The following WDR33 variants were observed in gnomAD, a reference collection of about 807,000 sequenced individuals.
The protein encoded by WDR33 is pre-mRNA 3' end processing protein WDR33.
In WDR33, 47 loss-of-function variants were observed where a neutral mutation model predicts 164.9. The ratio of observed to expected loss-of-function variants is 0.29; its 90% CI spans 0.23 to 0.36. WDR33 has a LOEUF of 0.36. WDR33 is among the 10% of genes least tolerant of loss of function. The pLI, the probability that WDR33 is intolerant of heterozygous loss-of-function variation, is 1.00. For synonymous variants in WDR33, 505 were observed against 589.0 expected (o/e 0.86, Z 2.06); for missense variants, 1,137 against 1,754.1 (o/e 0.65, Z 6.28).
At position 127,735,433 on chromosome 2, in the gene WDR33, C is replaced by A. The variant is rs1686814625; in HGVS notation, c.725-8656G>T. The A allele has an allele frequency of 1.2e-5, 12 of 985,402 alleles. No individual in the cohort carries two copies. The South Asian group carries it at 5.2e-4, about 42-fold the overall frequency. The allele number at this position is 985,402 out of a possible 1,614,324, so 61.0% of individuals were successfully genotyped here. On this transcript the variant is annotated intron_variant, in intron 7 of 21. Coordinates refer to ENST00000322313, the MANE Select transcript of WDR33 (RefSeq NM_018383.5). This position sits in a 1 kb window ranked among gnomAD's most constrained non-coding sequence, Gnocchi z 4.3. Reference sequence around the variant, plus strand: ...GAAGGTCAGAAATGGTGTCCATGTTCCCATTTTATTTTTCCTGGATCAGAC... The same window carrying A: ...GAAGGTCAGAAATGGTGTCCATGTTACCATTTTATTTTTCCTGGATCAGAC...
chr2:127,709,404 G>A lies in WDR33; in HGVS notation c.3565+86C>T. 7.6e-7 allele frequency: 1 copy of A among 1,319,066 alleles called. No homozygotes were observed. The highest frequency in any genetic ancestry group is 1.1e-6 in the Non-Finnish European group (1 of 921,056). The allele number at this position is 1,319,066 out of a possible 1,614,324, so 81.7% of individuals were successfully genotyped here. On this transcript the variant is annotated intron_variant, in intron 20 of 21. Transcript: ENST00000322313. The surrounding 1 kb of genome is among the most constrained non-coding windows in gnomAD (Gnocchi z 5.0). ...CGGGAGACATGAGCTGGAAAGAGGA[G>A]ACCCGGTGCACCCCAGAGAGGGCCC...
At chr2:127,755,468 T>C (rs768097265) in intron 7 of WDR33, among the ~76,000 whole-genome samples, 2 of 152,204 alleles carry the variant, frequency 1.3e-5, no homozygotes, top group African/African-American at 4.8e-5. Flanking sequence ...GTTGCCTGTA[T>C]TGTTCTGGCT....
At chr2:127,802,915 A>C (rs1558965553) in intron 1 of WDR33, among the ~76,000 whole-genome samples, 1 of 152,152 alleles carries the variant, frequency 6.6e-6, no homozygotes, top group Non-Finnish European at 1.5e-5. Flanking sequence ...TGCGAGGTTG[A>C]GGCTACAGGG....
chr2:127,719,793 A>G lies in WDR33; in HGVS notation c.2232T>C (p.Pro744=). ...GAGGCCCTTGCATTCCTCTGGGACC[A>G]GGTGGTCCCTGCATACCTTGAGTAC... is the stretch of plus-strand genomic sequence containing the variant. ...PPGTQGMQGP[P]GPRGMQGPPH... Residue 744 remains proline, a synonymous_variant, in exon 16 of 22, where the codon CCT becomes CCC. Transcript: ENST00000322313. This position sits in a 1 kb window ranked among gnomAD's most constrained non-coding sequence, Gnocchi z 6.5. 6.2e-7 allele frequency: 1 copy of G among 1,613,756 alleles called. No homozygotes were observed. Among genetic ancestry groups the G allele is most frequent in the African/African-American group, 1.3e-5 (1 of 75,030 alleles).
At chr2:127,732,617 T>C (rs1475814892) in intron 7 of WDR33, among the ~76,000 whole-genome samples, 1 of 152,188 alleles carries the variant, frequency 6.6e-6, no homozygotes, top group African/African-American at 2.4e-5. Context: ...AAAACTCAAG[T>C]GAATGGCTGA....
chr2:127,781,045 A>T (rs1261976609), intron 1 of WDR33, among the ~76,000 whole-genome samples: 1 of 151,834 alleles, frequency 6.6e-6, no homozygotes. Flanking sequence ...CGTATCTCTA[A>T]TAGAGACGGG....
At position 127,702,057 on chromosome 2, in the gene WDR33, G is replaced by C; in HGVS notation, c.*4266C>G. The stretch of plus-strand genomic sequence containing the variant: ...CACGGTGCTGGGCGCGGGCGCGCAG[G>C]TGGCCGCGCTGCTGGCCGCGCTGGT... On this transcript the variant is annotated 3_prime_UTR_variant, in exon 22 of 22. Transcript: ENST00000322313. 8.2e-7 allele frequency: 1 copy of C among 1,224,802 alleles called. No individual in the cohort carries two copies. The highest frequency in any genetic ancestry group is 1.0e-6 in the Non-Finnish European group (1 of 985,248). The allele number at this position is 1,224,802 out of a possible 1,614,324, so 75.9% of individuals were successfully genotyped here. A position where few individuals can be genotyped will look rare whatever the true frequency, so the allele number is the denominator to read the frequency against.
intron 7 of WDR33, chr2:127,737,015 A>AT (rs1452002929): frequency 2.0e-6 from 2 of 985,296 alleles, no homozygotes; most frequent in Non-Finnish European, 2.4e-6. Context: ...GGTGTATAAA[A>AT]TGTGTGTCAA....
At position 127,722,997 on chromosome 2, in the gene WDR33, G is replaced by A. The variant is rs1448393205; in HGVS notation, c.1339C>T (p.Pro447Ser). The change falls in exon 13 of 22, where the codon CCA (proline) becomes TCA (serine). Residue 447 changes from proline to serine, a missense_variant. Around this residue, in one of 9 missense-constraint regions of WDR33, gnomAD observed 75 missense variants for 124.7 expected, o/e 0.60. Transcript: ENST00000322313. The surrounding 1 kb of genome is among the most constrained non-coding windows in gnomAD (Gnocchi z 5.1). ...SLAVIPGMGI[P>S]EQLKLAMEQE... Reference sequence around the variant, plus strand: ...TCCATAGCTAATTTTAGTTGTTCTGGTATTCCCATTCCTGGAATTACTGCC... The same window carrying A: ...TCCATAGCTAATTTTAGTTGTTCTGATATTCCCATTCCTGGAATTACTGCC... The A allele has an allele frequency of 2.5e-6, 4 of 1,612,578 alleles. No homozygotes were observed. Among genetic ancestry groups the A allele is most frequent in the Non-Finnish European group, 2.5e-6 (3 of 1,179,460 alleles).
chr2:127,702,274 C>T lies in WDR33; in HGVS notation c.*4049G>A, dbSNP rs1030363901. ...GACTGCACGCCGCTGTGCGGAAGCCCGTGGCGAAGGCCCTGCCCTAACAGC... is the reference window on the plus strand; with the variant it reads ...GACTGCACGCCGCTGTGCGGAAGCCTGTGGCGAAGGCCCTGCCCTAACAGC... On this transcript the variant is annotated 3_prime_UTR_variant, in exon 22 of 22. Coordinates refer to ENST00000322313, the MANE Select transcript of WDR33 (RefSeq NM_018383.5). The T allele has an allele frequency of 9.0e-7, 1 of 1,107,166 alleles. No homozygotes were observed. The highest frequency in any genetic ancestry group is 1.7e-5 in the African/African-American group (1 of 60,128). The allele number at this position is 1,107,166 out of a possible 1,614,324, so 68.6% of individuals were successfully genotyped here. A position where few individuals can be genotyped will look rare whatever the true frequency, so the allele number is the denominator to read the frequency against.
chr2:127,791,248 T>C (rs1688837750), intron 1 of WDR33, among the ~76,000 whole-genome samples: 1 of 133,256 alleles, frequency 7.5e-6, no homozygotes, highest in Non-Finnish European at 1.5e-5. Context: ...AGCCTCAAAC[T>C]CCTGGGCTCA....
rs1202794967 is a variant in WDR33 at position 127,718,854 on chromosome 2, T to C, written c.2760+411A>G. Among the ~76,000 whole-genome samples, 3 of 152,160 alleles carry C rather than the reference T, an allele frequency of 2.0e-5. No homozygotes were observed. Among genetic ancestry groups the C allele is most frequent in the Non-Finnish European group, 2.9e-5 (2 of 68,024 alleles). On this transcript the variant is annotated intron_variant, in intron 16 of 21. Transcript: ENST00000322313. The surrounding 1 kb of genome is among the most constrained non-coding windows in gnomAD (Gnocchi z 4.4). ...AGTGATTCTGTGGCTGGCAGGCCCATGGAACACCAGGCTGCAATGTAAAGG... is the reference window on the plus strand; with the variant it reads ...AGTGATTCTGTGGCTGGCAGGCCCACGGAACACCAGGCTGCAATGTAAAGG...
chr2:127,728,020 A>G (rs1430035359), intron 7 of WDR33, among the ~76,000 whole-genome samples: 1 of 152,238 alleles, frequency 6.6e-6, no homozygotes, highest in Non-Finnish European at 1.5e-5. Context: ...GCATGTAGGG[A>G]GGTGACAACA....
rs371647430 is a variant in WDR33, at chr2:127,768,296, A to G, written c.274-3T>C. ...AACATTCCTATAGGTGGGACCAGCT[A>G]CAAAAAAGGAAAATTGGGTTCTTAG... On this transcript the variant is annotated splice_region_variant and splice_polypyrimidine_tract_variant and intron_variant, in intron 3 of 21. Transcript: ENST00000322313. The G allele has an allele frequency of 9.2e-6, 14 of 1,526,334 alleles. No homozygotes were observed. The highest frequency in any genetic ancestry group is 1.4e-5 in the African/African-American group (1 of 72,692). 94.5% of individuals were successfully genotyped at this position (1,526,334 alleles called of 1,614,324 possible).
chr2:127,723,034 T>G lies in WDR33; in HGVS notation c.1302A>C (p.Glu434Asp). The G allele has an allele frequency of 6.2e-7, 1 of 1,609,590 alleles. No homozygotes were observed. The highest frequency in any genetic ancestry group is 8.5e-7 in the Non-Finnish European group (1 of 1,178,724). Residue 434 changes from glutamate to aspartate, a missense_variant, in exon 13 of 22, where the codon GAA becomes GAC. By Grantham distance (45) the Glu-to-Asp change is conservative (BLOSUM62 2). Transcript: ENST00000322313. This position sits in a 1 kb window ranked among gnomAD's most constrained non-coding sequence, Gnocchi z 5.9. ...CTGGAATTACTGCCAGGCTATTAGG[T>G]TCGAGGTCATCTATAAATAGTAATA... ...SEDGVEYDDL[E>D]PNSLAVIPGM...
rs1686514842 is a variant in WDR33, at chr2:127,724,457, A to G, written c.1086-14T>C. ...TCCTTCTCTACCCTGCAACAGCACC[A>G]AAGAGAGAAGATTTGTTCACAAAAG... On this transcript the variant is annotated splice_polypyrimidine_tract_variant and intron_variant, in intron 10 of 21. Coordinates refer to ENST00000322313, the MANE Select transcript of WDR33 (RefSeq NM_018383.5). The surrounding 1 kb of genome is among the most constrained non-coding windows in gnomAD (Gnocchi z 4.8). 2 of 1,607,456 alleles carry G rather than the reference A, an allele frequency of 1.2e-6. No individual in the cohort carries two copies. The highest frequency in any genetic ancestry group is 1.7e-4 in the Middle Eastern group (1 of 6,054).
rs770272467 is a variant in WDR33 at position 127,720,025 on chromosome 2, C to T, written c.2000G>A (p.Arg667Gln). 28 of 1,613,568 alleles carry T rather than the reference C, an allele frequency of 1.7e-5. No homozygotes were observed. The highest frequency in any genetic ancestry group is 1.6e-4 in the South Asian group (15 of 91,064). ...TTGGGGCCCATGCATGTCCTGAGGC[C>T]GTGGCAACCCCTGGGGCGGGCCCTG... ...GPQGPPQGLP[R>Q]PQDMHGPQGM... Residue 667 changes from arginine (R) to glutamine (Q), a missense_variant, in exon 16 of 22, where the codon CGG (arginine) becomes CAG (glutamine). This residue lies in a region of WDR33 where 867 missense variants were observed against 1,073.0 expected (regional missense o/e 0.81). Transcript: ENST00000322313. The surrounding 1 kb of genome is among the most constrained non-coding windows in gnomAD (Gnocchi z 5.9).
At chr2:127,758,320 T>G (rs1490407222) in intron 7 of WDR33, among the ~76,000 whole-genome samples, 1 of 152,184 alleles carries the variant, frequency 6.6e-6, no homozygotes, top group Non-Finnish European at 1.5e-5. Context: ...AAAGAGGCAG[T>G]TTAACATAGT....
rs568505979 is a variant in WDR33, at chr2:127,716,573, C to T, written c.2869+582G>A. Among the ~76,000 whole-genome samples, 6 of 152,218 alleles carry T rather than the reference C, an allele frequency of 3.9e-5. No individual in the cohort carries two copies. Among genetic ancestry groups the T allele is most frequent in the Admixed American group, 1.3e-4 (2 of 15,288 alleles). ...CCATCTCAGGGGCCATGGTGCCCTG[C>T]GTGCTCTCCTTCAACCCTTAGGATT... On this transcript the variant is annotated intron_variant, in intron 17 of 21. Transcript: ENST00000322313. The surrounding 1 kb of genome is among the most constrained non-coding windows in gnomAD (Gnocchi z 4.5).
Sources: gnomAD v4.1 joint callset for allele counts (sites outside exome capture counted in the v4.1 genomes callset) on GRCh38, gnomAD v4.1.1 for gene constraint, gnomAD v4.1.1 regional missense constraint, Gnocchi (gnomAD v3.1) non-coding constraint, MANE v1.5 for transcripts, NCBI Gene and HGNC (gene_info 2026-07-23, HGNC 2026-07-21) for gene names.